Variants in ARHGAP32 observed in about 807,000 individuals in gnomAD.
The protein encoded by ARHGAP32 is Rho GTPase activating protein 32.
Under a neutral mutation model 186.5 loss-of-function variants are expected in ARHGAP32, and 51 were observed. The ratio of observed to expected loss-of-function variants is 0.27; its 90% CI spans 0.22 to 0.35. The LOEUF (loss-of-function observed/expected upper bound fraction) is 0.35. ARHGAP32 is among the 10% of genes least tolerant of loss of function. The pLI is 1.00. For missense variants in ARHGAP32, 2,186 were observed against 2,623.5 expected, an observed-to-expected ratio of 0.83 and a Z score of 3.64; for synonymous variants, 950 against 964.3, an observed-to-expected ratio of 0.99 and a Z score of 0.27.
At chr11:129,014,576 C>T (rs2134848876) in intron 11 of ARHGAP32, among the ~76,000 whole-genome samples, 1 of 152,106 alleles carries the variant, frequency 6.6e-6, no homozygotes, top group East Asian at 1.9e-4. Flanking sequence ...TGATTATATA[C>T]ATCAAATTTT....
intron 1 of ARHGAP32, among the ~76,000 whole-genome samples, chr11:129,198,948 G>A (rs144683370): frequency 0.013 from 1,909 of 152,296 alleles, 24 homozygotes; most frequent in Non-Finnish European, 0.021. Context: ...AGGCTGAAGT[G>A]GTCTCAGATG....
chr11:129,234,134 G>T (rs566533603), intron 1 of ARHGAP32, among the ~76,000 whole-genome samples: 1 of 151,840 alleles, frequency 6.6e-6, no homozygotes, highest in African/African-American at 2.4e-5. Context: ...AAAAACAAAG[G>T]CTATTGCAAT....
At chr11:129,182,676 C>T (rs1250083467) in intron 1 of ARHGAP32, among the ~76,000 whole-genome samples, 2 of 150,680 alleles carry the variant, frequency 1.3e-5, no homozygotes, top group Non-Finnish European at 3.0e-5. Flanking sequence ...CAGGGTCTCG[C>T]TCTATTTCCA....
At chr11:129,119,849 A>G (rs12292918) in intron 5 of ARHGAP32, among the ~76,000 whole-genome samples, 2,926 of 152,160 alleles carry the variant, frequency 0.019, 48 homozygotes, top group African/African-American at 0.041. Context: ...GGGGGTGAGC[A>G]TACTGGCAGA....
rs181186986 is a variant in ARHGAP32 at position 129,172,213 on chromosome 11, G to C, written c.117-7786C>G. ...AGAACTTCCAATACTATGTTGAATAGGAGTGGTGAGAGAGGGCACCCTTGT... is the reference window on the plus strand; with the variant it reads ...AGAACTTCCAATACTATGTTGAATACGAGTGGTGAGAGAGGGCACCCTTGT... On this transcript the variant is annotated intron_variant, in intron 1 of 22. Coordinates refer to ENST00000682385, the MANE Select transcript of ARHGAP32 (RefSeq NM_001378024.1). Among the ~76,000 whole-genome samples the C allele has an allele frequency of 9.9e-5, 15 of 152,122 alleles. No homozygotes were observed. The East Asian group carries it at 1.7e-3, about 18-fold the overall frequency.
intron 1 of ARHGAP32, among the ~76,000 whole-genome samples, chr11:129,262,043 C>A (rs549765350): frequency 9.1e-4 from 139 of 152,188 alleles, no homozygotes; most frequent in Non-Finnish European, 1.8e-3. Context: ...TTTTAAAACA[C>A]ACAAATTAAG....
intron 6 of ARHGAP32, among the ~76,000 whole-genome samples, chr11:129,089,891 A>G (rs188365456): frequency 1.1e-3 from 168 of 152,310 alleles, no homozygotes; most frequent in African/African-American, 3.7e-3. Context: ...TGTCCTTGGA[A>G]GTCCCTTTGT....
chr11:129,091,287 C>T (rs1318469863), intron 6 of ARHGAP32, among the ~76,000 whole-genome samples: 7 of 152,024 alleles, frequency 4.6e-5, no homozygotes, highest in Admixed American at 4.6e-4. Flanking sequence ...GATTACAGTC[C>T]CCAGTTGGCC....
intron 5 of ARHGAP32, among the ~76,000 whole-genome samples, chr11:129,107,468 T>C (rs1294514933): frequency 6.6e-6 from 1 of 152,226 alleles, no homozygotes; most frequent in South Asian, 2.1e-4. Flanking sequence ...TTGCTTTCTA[T>C]GTTATTTAAA....
At chr11:129,173,152 C>A (rs1374098073) in intron 1 of ARHGAP32, among the ~76,000 whole-genome samples, 2 of 151,932 alleles carry the variant, frequency 1.3e-5, no homozygotes, top group Non-Finnish European at 2.9e-5. Flanking sequence ...CACAGAAATA[C>A]AAACTACCAT....
intron 1 of ARHGAP32, among the ~76,000 whole-genome samples, chr11:129,264,592 TAAG>T (rs1441521584): frequency 6.6e-6 from 1 of 152,116 alleles, no homozygotes; most frequent in Non-Finnish European, 1.5e-5. Context: ...AATCCTGAGT[TAAG>T]AAGGATTCTA....
At chr11:129,168,605 T>C (rs532986559) in intron 1 of ARHGAP32, among the ~76,000 whole-genome samples, 3 of 152,344 alleles carry the variant, frequency 2.0e-5, no homozygotes, top group South Asian at 2.1e-4. Flanking sequence ...CAATGGCTGA[T>C]AGAATAAGCA....
intron 5 of ARHGAP32, among the ~76,000 whole-genome samples, chr11:129,108,494 C>T (rs1256079823): frequency 6.6e-6 from 1 of 151,998 alleles, no homozygotes; most frequent in Admixed American, 6.6e-5. Flanking sequence ...GCAAACATGA[C>T]AGAAGTGAAG....
chr11:129,142,692 T>C (rs560949362), intron 2 of ARHGAP32, among the ~76,000 whole-genome samples: 146 of 149,900 alleles, frequency 9.7e-4, no homozygotes, highest in African/African-American at 3.5e-3. Context: ...GCTATCAAAG[T>C]GGACCAGGAT....
chr11:129,160,525 C>A (rs1354595288), intron 2 of ARHGAP32, among the ~76,000 whole-genome samples: 1 of 151,990 alleles, frequency 6.6e-6, no homozygotes, highest in Non-Finnish European at 1.5e-5. Context: ...AATAAAATAC[C>A]TAGGATGATA....
chr11:129,250,620 C>T (rs1045331667), intron 1 of ARHGAP32, among the ~76,000 whole-genome samples: 6 of 152,194 alleles, frequency 3.9e-5, no homozygotes, highest in African/African-American at 1.4e-4. Context: ...TCATTCCAGC[C>T]TCCTCCTACC....
chr11:128,975,877 C>G (rs1026509065), intron 20 of ARHGAP32, among the ~76,000 whole-genome samples: 1 of 151,960 alleles, frequency 6.6e-6, no homozygotes, highest in Non-Finnish European at 1.5e-5. Context: ...GGCAAAACCC[C>G]GTATCTACTA....
chr11:129,254,912 C>G (rs1049697702), intron 1 of ARHGAP32, among the ~76,000 whole-genome samples: 4 of 152,100 alleles, frequency 2.6e-5, no homozygotes, highest in South Asian at 2.1e-4. Context: ...CTCAATAAAT[C>G]TGAAAATCCA....
At chr11:129,090,625 T>A (rs1941547211) in intron 6 of ARHGAP32, among the ~76,000 whole-genome samples, 1 of 152,256 alleles carries the variant, frequency 6.6e-6, no homozygotes, top group East Asian at 1.9e-4. Context: ...AAGACTTTTA[T>A]TACAGCACAG....
Sources: allele counts gnomAD v4.1 joint callset (sites outside exome capture counted in the v4.1 genomes callset), GRCh38; gene constraint gnomAD v4.1.1; transcripts MANE v1.5; gene names NCBI Gene and HGNC (gene_info 2026-07-23, HGNC 2026-07-21).